Variants in LYPD6B observed in about 807,000 individuals in gnomAD.
The protein encoded by LYPD6B is LY6/PLAUR domain containing 6B.
A neutral mutation model predicts 22.8 loss-of-function variants in LYPD6B; 17 were observed. The ratio of observed to expected loss-of-function variants is 0.75; its 90% CI spans 0.51 to 1.12. The LOEUF is 1.12. Ranked by LOEUF, LYPD6B falls within the 50% of genes most tolerant of loss-of-function variation. LYPD6B has a pLI of 0.00. For missense variants in LYPD6B, 221 were observed against 258.3 expected (o/e 0.86, Z 0.99); for synonymous variants, 106 against 91.6 (o/e 1.16, Z -0.90).
At chr2:149,127,219 T>C (rs1230095699) in intron 1 of LYPD6B, among the ~76,000 whole-genome samples, 1 of 152,184 alleles carries the variant, frequency 6.6e-6, no homozygotes, top group Admixed American at 6.5e-5. Flanking sequence ...AATTCTGTTG[T>C]TTATCATTTA....
intron 1 of LYPD6B, among the ~76,000 whole-genome samples, chr2:149,087,078 A>G (rs1685436245): frequency 6.6e-6 from 1 of 152,118 alleles, no homozygotes; most frequent in Non-Finnish European, 1.5e-5. Flanking sequence ...TAGGACTTCA[A>G]CATGTGAATT....
chr2:149,059,786 G>T (rs1352518793), intron 1 of LYPD6B, among the ~76,000 whole-genome samples: 1 of 152,186 alleles, frequency 6.6e-6, no homozygotes, highest in East Asian at 1.9e-4. Context: ...AGTCCTTAGT[G>T]CTCTGTAGAG....
At chr2:149,076,271 A>T (rs1367919883) in intron 1 of LYPD6B, among the ~76,000 whole-genome samples, 1 of 152,168 alleles carries the variant, frequency 6.6e-6, no homozygotes, top group African/African-American at 2.4e-5. Context: ...GACTAGATTA[A>T]CTTTGCAAAT....
chr2:149,201,117 A>T (rs1693121186), intron 3 of LYPD6B, among the ~76,000 whole-genome samples: 1 of 152,234 alleles, frequency 6.6e-6, no homozygotes, highest in Non-Finnish European at 1.5e-5. Context: ...CAGGAAGCCA[A>T]ATTATTATAG....
Position 149,213,004 on chromosome 2 carries a change from G to A in LYPD6B, c.341G>A (p.Cys114Tyr). 2 of 1,613,914 alleles carry A rather than the reference G, an allele frequency of 1.2e-6. No homozygotes were observed. Among genetic ancestry groups the A allele is most frequent in the Non-Finnish European group, 1.7e-6 (2 of 1,179,850 alleles). Residue 114 changes from cysteine to tyrosine, a missense_variant, in exon 6 of 7, where the codon TGT becomes TAT. By Grantham distance (194) the Cys-to-Tyr change is radical. Coordinates refer to ENST00000409642, the MANE Select transcript of LYPD6B (RefSeq NM_177964.5). ...TCCTCTTGCCTAGATACACAGTACT[G>A]TTTGACAGTTCATCACTTCACCAGC... Reference protein sequence around the residue: ...DKWCPQNTQYCLTVHHFTSHG... With the variant: ...DKWCPQNTQYYLTVHHFTSHG...
intron 3 of LYPD6B, among the ~76,000 whole-genome samples, chr2:149,204,089 T>C (rs1693348029): frequency 6.6e-6 from 1 of 152,218 alleles, no homozygotes; most frequent in Non-Finnish European, 1.5e-5. Context: ...ACTCTAGTAT[T>C]CCAGTATTTT....
At chr2:149,133,654 T>C (rs1304415503) in intron 2 of LYPD6B, among the ~76,000 whole-genome samples, 1 of 152,180 alleles carries the variant, frequency 6.6e-6, no homozygotes, top group Admixed American at 6.5e-5. Flanking sequence ...TTAGCAGAAC[T>C]TCTTGGCACT....
At chr2:149,138,244 T>A (rs1210617405) in intron 2 of LYPD6B, among the ~76,000 whole-genome samples, 1 of 152,226 alleles carries the variant, frequency 6.6e-6, no homozygotes, top group African/African-American at 2.4e-5. Flanking sequence ...AAAGGAAGTC[T>A]GGAATTAGTT....
chr2:149,130,739 T>C, intron 1 of LYPD6B, 144 bp from the exon 2 acceptor site: 1 of 490,882 alleles, frequency 2.0e-6, no homozygotes, highest in Non-Finnish European at 3.6e-6. Flanking sequence ...TTGTACCTGG[T>C]TTGTGGTTAG....
intron 1 of LYPD6B, among the ~76,000 whole-genome samples, chr2:149,129,446 C>T (rs74980871): frequency 0.12 from 18,626 of 152,208 alleles, 1,446 homozygotes; most frequent in Non-Finnish European, 0.16. Context: ...TTAGGGAACC[C>T]CTCCTCAAAC....
At chr2:149,122,657 A>G (rs1207638140) in intron 1 of LYPD6B, among the ~76,000 whole-genome samples, 1 of 141,572 alleles carries the variant, frequency 7.1e-6, no homozygotes, top group African/African-American at 2.6e-5. Context: ...CCTGTGAGTG[A>G]GAGCATGTTT....
intron 2 of LYPD6B, chr2:149,131,204 G>T: frequency 4.5e-6 from 2 of 448,518 alleles, no homozygotes; most frequent in Non-Finnish European, 7.9e-6. Flanking sequence ...TTGATGTAAA[G>T]GTAGCTGCTG....
At chr2:149,079,121 C>G (rs1313225793) in intron 1 of LYPD6B, among the ~76,000 whole-genome samples, 1 of 150,218 alleles carries the variant, frequency 6.7e-6, no homozygotes, top group Non-Finnish European at 1.5e-5. Context: ...GTGTGAATTA[C>G]CTCTGAAGTC....
intron 1 of LYPD6B, among the ~76,000 whole-genome samples, chr2:149,114,916 G>A (rs1157944165): frequency 2.0e-5 from 3 of 152,100 alleles, no homozygotes; most frequent in East Asian, 1.9e-4. Context: ...AAAGCTGGAA[G>A]GCAATCCTCA....
intron 1 of LYPD6B, among the ~76,000 whole-genome samples, chr2:149,126,231 G>A (rs4283385): frequency 0.52 from 79,550 of 151,850 alleles, 21,169 homozygotes; most frequent in East Asian, 0.86. Flanking sequence ...TATCATTTCA[G>A]TGTCTCTAGA....
intron 1 of LYPD6B, among the ~76,000 whole-genome samples, chr2:149,060,648 G>A (rs558174493): frequency 3.3e-5 from 5 of 152,290 alleles, no homozygotes; most frequent in African/African-American, 1.2e-4. Flanking sequence ...TCCCAGGGCA[G>A]CTTCCCAAGG....
intron 4 of LYPD6B, 85 bp from the exon 5 acceptor site, chr2:149,208,229 A>T: frequency 1.2e-6 from 1 of 869,510 alleles, no homozygotes; most frequent in Non-Finnish European, 1.9e-6. Context: ...TTCATCTGTT[A>T]AAGTTGCTCA....
chr2:149,088,347 A>AT, intron 1 of LYPD6B, among the ~76,000 whole-genome samples: 1 of 152,302 alleles, frequency 6.6e-6, no homozygotes, highest in African/African-American at 2.4e-5. Flanking sequence ...AATCCAGAAT[A>AT]TAGTTAGGCT....
intron 1 of LYPD6B, among the ~76,000 whole-genome samples, chr2:149,057,906 T>C (rs942091174): frequency 3.9e-5 from 6 of 152,312 alleles, no homozygotes; most frequent in African/African-American, 1.4e-4. Flanking sequence ...TAAGACGTAT[T>C]GTTACTCAGT....
Sources: gnomAD v4.1 joint callset for allele counts (sites outside exome capture counted in the v4.1 genomes callset) on GRCh38, gnomAD v4.1.1 for gene constraint, MANE v1.5 for transcripts, NCBI Gene and HGNC (gene_info 2026-07-23, HGNC 2026-07-21) for gene names.